Variants in EYS observed in about 807,000 individuals in gnomAD.
The protein encoded by EYS is protein eyes shut homolog.
A neutral mutation model predicts 282.1 loss-of-function variants in EYS; 250 were observed. That is an observed-to-expected ratio of 0.89 (90% CI 0.80 to 0.98). EYS has a LOEUF of 0.98. Ranked by LOEUF, EYS falls within the 50% of genes least tolerant of loss-of-function variation. The pLI is 0.00. For synonymous variants in EYS, 1,355 were observed against 1,282.9 expected (o/e 1.06, Z -1.20); for missense variants, 4,016 against 3,709.0 (o/e 1.08, Z -2.15).
Position 64,686,890 on chromosome 6 carries a change from CAT to C in EYS, c.3444-60647_3444-60646del, listed in dbSNP as rs1491177444. On this transcript the variant is annotated intron_variant, in intron 22 of 42. Transcript: ENST00000503581. ...ATACGTGTATATATATATACACACA[CAT>C]ATATATGTGTATATATATACACACA... Among the ~76,000 whole-genome samples the C allele has an allele frequency of 7.6e-4, 44 of 57,856 alleles. 13 individuals carry two copies. Among genetic ancestry groups the C allele is most frequent in the South Asian group, 1.8e-3 (3 of 1,638 alleles). The allele number at this position is 57,856 out of a possible 152,430, so 38.0% of individuals were successfully genotyped here.
At chr6:64,177,570 G>C (rs35277191) in intron 31 of EYS, among the ~76,000 whole-genome samples, 51,006 of 151,714 alleles carry the variant, frequency 0.34, 8,631 homozygotes, top group East Asian at 0.54. Context: ...ATTTAGTTTG[G>C]TGATTGCATT....
rs549410198 is a variant in EYS, at chr6:65,458,250, G to C, written c.862+32344C>G. ...AGTACTTTACTGAATGTTTGTTATA[G>C]CAACCATATATTCTCTACCGTGGCA... is the stretch of plus-strand genomic sequence containing the variant. On this transcript the variant is annotated intron_variant, in intron 5 of 42. Coordinates refer to ENST00000503581, the MANE Select transcript of EYS (RefSeq NM_001142800.2). Among the ~76,000 whole-genome samples the C allele has an allele frequency of 2.0e-5, 3 of 152,192 alleles. No individual in the cohort carries two copies. In the South Asian group the frequency reaches 6.2e-4, roughly 32 times the overall value.
Position 65,118,869 on chromosome 6 carries a change from T to C in EYS, c.2024-61142A>G, listed in dbSNP as rs542539128. 6.3e-5 allele frequency among the ~76,000 whole-genome samples: 9 copies of C among 141,962 alleles called. No individual in the cohort carries two copies. In the South Asian group the frequency reaches 1.7e-3, roughly 27 times the overall value. The allele number at this position is 141,962 out of a possible 152,430, so 93.1% of individuals were successfully genotyped here. On this transcript the variant is annotated intron_variant, in intron 12 of 42. Transcript: ENST00000503581. Reference sequence around the variant, plus strand: ...ACTGCAAATAAACAAGTTTCACAGGTTCTTTAAGGAAAAAAAAAAAAAGAA... The same window carrying C: ...ACTGCAAATAAACAAGTTTCACAGGCTCTTTAAGGAAAAAAAAAAAAAGAA...
At chr6:64,293,839 T>A (rs1010612173) in intron 30 of EYS, among the ~76,000 whole-genome samples, 1 of 152,138 alleles carries the variant, frequency 6.6e-6, no homozygotes, top group African/African-American at 2.4e-5. Flanking sequence ...AGAGAGTCAT[T>A]AGATTACATG....
intron 35 of EYS, among the ~76,000 whole-genome samples, chr6:63,890,702 A>C (rs1318089165): frequency 2.0e-5 from 3 of 152,224 alleles, no homozygotes; most frequent in African/African-American, 4.8e-5. Context: ...AAGCAAGAGC[A>C]AATATATTCA....
intron 26 of EYS, among the ~76,000 whole-genome samples, chr6:64,502,226 T>G (rs1777070896): frequency 6.7e-6 from 1 of 148,684 alleles, no homozygotes; most frequent in South Asian, 2.2e-4. Flanking sequence ...GGCTGGTTTT[T>G]TTTTTGTTTT....
rs192370079 is a variant in EYS at position 65,201,537 on chromosome 6, T to C, written c.2023+94326A>G. ...ATCTTTCTACAAATAACGTGGTGAA[T>C]AATGTCATCTTCCACCATCTTATGC... is the stretch of plus-strand genomic sequence containing the variant. On this transcript the variant is annotated intron_variant, in intron 12 of 42. Transcript: ENST00000503581. 3.3e-5 allele frequency among the ~76,000 whole-genome samples: 5 copies of C among 152,304 alleles called. No homozygotes were observed. In the East Asian group the frequency reaches 9.6e-4, roughly 29 times the overall value.
At chr6:64,507,723 A>G (rs1777257148) in intron 26 of EYS, among the ~76,000 whole-genome samples, 1 of 149,940 alleles carries the variant, frequency 6.7e-6, no homozygotes, top group Non-Finnish European at 1.5e-5. Flanking sequence ...AGGGAGGAAG[A>G]GATCCCACTC....
intron 31 of EYS, among the ~76,000 whole-genome samples, chr6:64,217,166 C>T (rs190775059): frequency 5.3e-5 from 8 of 152,266 alleles, no homozygotes; most frequent in African/African-American, 1.4e-4. Context: ...GCTATGTCTT[C>T]GGAACTGTTT....
At chr6:64,784,522 T>A (rs1195663098) in intron 22 of EYS, among the ~76,000 whole-genome samples, 1 of 152,200 alleles carries the variant, frequency 6.6e-6, no homozygotes, top group East Asian at 1.9e-4. Context: ...AGGGCAGGAT[T>A]TTTTGACTGC....
intron 6 of EYS, among the ~76,000 whole-genome samples, chr6:65,402,822 A>G (rs562396139): frequency 6.6e-6 from 1 of 152,190 alleles, no homozygotes; most frequent in Non-Finnish European, 1.5e-5. Flanking sequence ...TCCTCTATTA[A>G]GAGTTAGCAA....
At position 65,267,098 on chromosome 6, in the gene EYS, C is replaced by A. The variant is rs192581791; in HGVS notation, c.2023+28765G>T. Among the ~76,000 whole-genome samples, 7 of 151,472 alleles carry A rather than the reference C, an allele frequency of 4.6e-5. No homozygotes were observed. In the Admixed American group the frequency reaches 4.6e-4, roughly 10 times the overall value. On this transcript the variant is annotated intron_variant, in intron 12 of 42. Transcript: ENST00000503581. ...AATTTTTCTGTACATGTCTCTCAAG[C>A]AGACAAGTACCTCGGCTTTTCAGAA...
At chr6:65,283,401 TTTGA>T (rs1410119090) in intron 12 of EYS, among the ~76,000 whole-genome samples, 2 of 152,058 alleles carry the variant, frequency 1.3e-5, no homozygotes, top group Admixed American at 6.6e-5. Flanking sequence ...ATATCTTACT[TTTGA>T]TTATTATTTG....
intron 1 of EYS, among the ~76,000 whole-genome samples, chr6:65,663,866 C>CTTT (rs66999581): frequency 7.0e-4 from 53 of 75,842 alleles, no homozygotes; most frequent in East Asian, 3.2e-3. Flanking sequence ...TTTTTCTTTT[C>CTTT]TTTTTTTTTT....
rs1770328821 is a variant in EYS, at chr6:65,344,695, AG to A, written c.1460-519del. On this transcript the variant is annotated intron_variant, in intron 9 of 42. Coordinates refer to ENST00000503581, the MANE Select transcript of EYS (RefSeq NM_001142800.2). ...ATCAACAGGAAAAGATGAATAAAAT[AG>A]ATAATTAGATAAGGAATTAGGGGAT... 2.6e-5 allele frequency among the ~76,000 whole-genome samples: 4 copies of A among 151,770 alleles called. No homozygotes were observed. The South Asian group carries it at 8.3e-4, about 31-fold the overall frequency.
At chr6:64,466,729 G>A (rs538897293) in intron 26 of EYS, among the ~76,000 whole-genome samples, 112 of 152,162 alleles carry the variant, frequency 7.4e-4, no homozygotes, top group African/African-American at 2.6e-3. Context: ...AAATTGCAAA[G>A]AGTGTACATT....
chr6:65,369,967 T>G (rs1486567179), intron 8 of EYS, among the ~76,000 whole-genome samples: 2 of 151,642 alleles, frequency 1.3e-5, no homozygotes, highest in Non-Finnish European at 2.9e-5. Flanking sequence ...CGAAGACTGA[T>G]AAATAATGAA....
At chr6:64,758,982 CA>C (rs1345410150) in intron 22 of EYS, among the ~76,000 whole-genome samples, 20 of 151,942 alleles carry the variant, frequency 1.3e-4, no homozygotes, top group African/African-American at 4.4e-4. Flanking sequence ...ACTAAAAATA[CA>C]AAAAAATTAA....
At chr6:64,969,934 G>T (rs1770231288) in intron 14 of EYS, among the ~76,000 whole-genome samples, 1 of 152,118 alleles carries the variant, frequency 6.6e-6, no homozygotes, top group African/African-American at 2.4e-5. Context: ...AATTGCTTTA[G>T]ATTGTCATAC....
Sources: allele counts gnomAD v4.1 joint callset (sites outside exome capture counted in the v4.1 genomes callset), GRCh38; gene constraint gnomAD v4.1.1; transcripts MANE v1.5; gene names NCBI Gene and HGNC (gene_info 2026-07-23, HGNC 2026-07-21).